Variants in ATF7IP2 observed in about 807,000 individuals in gnomAD.
The protein encoded by ATF7IP2 is activating transcription factor 7 interacting protein 2, also known as activating transcription factor 7-interacting protein 2.
A neutral mutation model predicts 64.2 loss-of-function variants in ATF7IP2; 42 were observed. The observed-to-expected ratio is 0.65, with a 90% CI of 0.51 to 0.85. ATF7IP2 has a LOEUF of 0.85. Ranked by LOEUF, ATF7IP2 falls within the 40% of genes least tolerant of loss-of-function variation. ATF7IP2 has a pLI of 0.00. For missense variants in ATF7IP2, 933 were observed against 784.2 expected (o/e 1.19, Z -2.27); for synonymous variants, 308 against 272.8 (o/e 1.13, Z -1.27).
rs2048116187 is a variant in ATF7IP2 at position 10,427,836 on chromosome 16, C to T, written c.-159-1032C>T. Among the ~76,000 whole-genome samples, 6 of 146,882 alleles carry T rather than the reference C, an allele frequency of 4.1e-5. No homozygotes were observed. The South Asian group carries it at 1.3e-3, about 31-fold the overall frequency. ...CTGCACTCCAGCCTGGGTAACAGAG[C>T]AGCAAGACCCTGTCTCAAAAAAAAA... On this transcript the variant is annotated intron_variant, in intron 3 of 13. Transcript: ENST00000562102.
chr16:10,438,126 T>C lies in ATF7IP2; in HGVS notation c.986T>C (p.Ile329Thr). The C allele has an allele frequency of 1.3e-6, 2 of 1,583,616 alleles. No individual in the cohort carries two copies. The highest frequency in any genetic ancestry group is 1.8e-5 in the Admixed American group (1 of 54,914). ...GTCAGACATTTGATTCAGCAGGAGATCTATAGCATAAATTATGAACTATTT... is the reference window on the plus strand; with the variant it reads ...GTCAGACATTTGATTCAGCAGGAGACCTATAGCATAAATTATGAACTATTT... ...EQVRHLIQQE[I>T]YSINYELFDK... Residue 329 changes from isoleucine to threonine, a missense_variant, in exon 7 of 14, where the codon ATC (isoleucine) becomes ACC (threonine). Ile to Thr is a moderately conservative substitution (Grantham distance 89, BLOSUM62 -1). Coordinates refer to ENST00000562102, the MANE Select transcript of ATF7IP2 (RefSeq NM_001393719.1).
intron 9 of ATF7IP2, among the ~76,000 whole-genome samples, chr16:10,467,399 T>G (rs1172096389): frequency 1.3e-5 from 2 of 152,198 alleles, no homozygotes; most frequent in African/African-American, 4.8e-5. Flanking sequence ...TAAAGTATTT[T>G]GACTATCGTA....
intron 8 of ATF7IP2, among the ~76,000 whole-genome samples, chr16:10,453,120 A>G (rs150244037): frequency 7.5e-4 from 114 of 152,210 alleles, no homozygotes; most frequent in African/African-American, 2.7e-3. Context: ...CATTCTAGGC[A>G]CCACTAGGGT....
chr16:10,476,498 G>T (rs571333646), intron 12 of ATF7IP2, among the ~76,000 whole-genome samples: 203 of 151,232 alleles, frequency 1.3e-3, no homozygotes, highest in African/African-American at 4.6e-3. Context: ...GTGTGTGTGT[G>T]TTTTTTTTTA....
In ATF7IP2 at chr16:10,394,896, G is replaced by C. The variant is rs141236941; in HGVS notation, c.-242+8774G>C. 4.3e-4 allele frequency among the ~76,000 whole-genome samples: 65 copies of C among 152,044 alleles called. 1 individual carries two copies. Among genetic ancestry groups the C allele is most frequent in the African/African-American group, 1.4e-3 (60 of 41,502 alleles). Reference sequence around the variant, plus strand: ...TAGTGATAAATGCTATATTAAAAAAGACCTCAAATCAGTAACCTAGACCTT... The same window carrying C: ...TAGTGATAAATGCTATATTAAAAAACACCTCAAATCAGTAACCTAGACCTT... On this transcript the variant is annotated intron_variant, in intron 1 of 13. Coordinates refer to ENST00000562102, the MANE Select transcript of ATF7IP2 (RefSeq NM_001393719.1).
chr16:10,444,205 C>T (rs184800086), intron 8 of ATF7IP2, among the ~76,000 whole-genome samples: 4 of 152,228 alleles, frequency 2.6e-5, no homozygotes, highest in South Asian at 2.1e-4. Context: ...GGGTAGCTAA[C>T]GAAAGAAAGA....
chr16:10,462,248 T>G (rs4780916), intron 9 of ATF7IP2, among the ~76,000 whole-genome samples: 1 of 152,130 alleles, frequency 6.6e-6, no homozygotes, highest in Non-Finnish European at 1.5e-5. Flanking sequence ...ATGACTACTA[T>G]GTACCATCAT....
chr16:10,482,218 C>T lies in ATF7IP2; in HGVS notation c.2018C>T (p.Ser673Phe). 6.2e-7 allele frequency: 1 copy of T among 1,601,084 alleles called. No homozygotes were observed. Among genetic ancestry groups the T allele is most frequent in the Non-Finnish European group, 8.5e-7 (1 of 1,175,300 alleles). Residue 673 changes from serine (S) to phenylalanine (F), a missense_variant, in exon 14 of 14, where the codon TCT becomes TTT. Coordinates refer to ENST00000562102, the MANE Select transcript of ATF7IP2 (RefSeq NM_001393719.1). ...GRYGPFCDIK[S>F]IPGFSENLT Reference sequence around the variant, plus strand: ...TATGGACCATTCTGTGATATAAAATCTATCCCTGGGTTTTCTGAAAATCTT... The same window carrying T: ...TATGGACCATTCTGTGATATAAAATTTATCCCTGGGTTTTCTGAAAATCTT...
At chr16:10,394,500 G>A (rs889408916) in intron 1 of ATF7IP2, among the ~76,000 whole-genome samples, 4 of 152,172 alleles carry the variant, frequency 2.6e-5, no homozygotes, top group Non-Finnish European at 5.9e-5. Flanking sequence ...GACAAGAGAC[G>A]ACTTGAGCAA....
intron 8 of ATF7IP2, among the ~76,000 whole-genome samples, chr16:10,456,846 G>A (rs913467624): frequency 1.3e-5 from 2 of 152,196 alleles, no homozygotes; most frequent in East Asian, 1.9e-4. Flanking sequence ...GGCACCTAGT[G>A]CATTTTTGTT....
intron 8 of ATF7IP2, among the ~76,000 whole-genome samples, chr16:10,443,891 G>A (rs950166052): frequency 2.6e-5 from 4 of 152,302 alleles, no homozygotes; most frequent in East Asian, 1.9e-4. Flanking sequence ...TTCATTTAGC[G>A]ATATAGAGAT....
intron 12 of ATF7IP2, among the ~76,000 whole-genome samples, chr16:10,474,624 G>T (rs1567177542): frequency 6.6e-6 from 1 of 152,074 alleles, no homozygotes; most frequent in Non-Finnish European, 1.5e-5. Context: ...CGTGGGGCTG[G>T]GGATCAGTTA....
Position 10,467,878 on chromosome 16 carries a change from CTTTTTTT to C in ATF7IP2, c.1353-4220_1353-4214del, listed in dbSNP as rs111532750. Among the ~76,000 whole-genome samples, 4 of 127,442 alleles carry C rather than the reference CTTTTTTT, an allele frequency of 3.1e-5. No homozygotes were observed. The East Asian group carries it at 9.1e-4, about 29-fold the overall frequency. The allele number at this position is 127,442 out of a possible 152,430, so 83.6% of individuals were successfully genotyped here. A position where few individuals can be genotyped will look rare whatever the true frequency, so the allele number is the denominator to read the frequency against. On this transcript the variant is annotated intron_variant, in intron 9 of 13. Transcript: ENST00000562102. Reference sequence around the variant, plus strand: ...AAAAATCAGCCAAAAATCAAATATTCTTTTTTTTTTTTTTTTTTGAGACAGAGTTTTG... The same window carrying C: ...AAAAATCAGCCAAAAATCAAATATTCTTTTTTTTTTTGAGACAGAGTTTTG...
intron 8 of ATF7IP2, among the ~76,000 whole-genome samples, chr16:10,451,315 G>T (rs1355111129): frequency 6.6e-6 from 1 of 152,108 alleles, no homozygotes; most frequent in African/African-American, 2.4e-5. Flanking sequence ...TTCTCCAGGA[G>T]TATCTTTGTG....
chr16:10,465,575 T>C (rs1370136479), intron 9 of ATF7IP2, among the ~76,000 whole-genome samples: 1 of 150,680 alleles, frequency 6.6e-6, no homozygotes, highest in African/African-American at 2.4e-5. Flanking sequence ...CCATCTCTAC[T>C]AAAAACACAG....
intron 1 of ATF7IP2, among the ~76,000 whole-genome samples, chr16:10,389,699 A>G (rs2047283255): frequency 6.6e-6 from 1 of 152,244 alleles, no homozygotes; most frequent in South Asian, 2.1e-4. Context: ...TTGCCATTAG[A>G]TATTCGGGAG....
intron 6 of ATF7IP2, among the ~76,000 whole-genome samples, chr16:10,436,039 C>A (rs1184614398): frequency 6.6e-6 from 1 of 152,114 alleles, no homozygotes; most frequent in Non-Finnish European, 1.5e-5. Context: ...AGAAACCACA[C>A]GAGTAATAGG....
At chr16:10,417,607 T>C (rs1346743342) in intron 2 of ATF7IP2, among the ~76,000 whole-genome samples, 1 of 152,026 alleles carries the variant, frequency 6.6e-6, no homozygotes, top group Non-Finnish European at 1.5e-5. Context: ...AAGAAAGAGA[T>C]AGATAGCTGA....
chr16:10,453,763 A>C (rs1222436802), intron 8 of ATF7IP2, among the ~76,000 whole-genome samples: 1 of 151,998 alleles, frequency 6.6e-6, no homozygotes, highest in African/African-American at 2.4e-5. Flanking sequence ...GATTACAGTC[A>C]TGCGCCACCA....
Sources: gnomAD v4.1 joint callset for allele counts (sites outside exome capture counted in the v4.1 genomes callset) on GRCh38, gnomAD v4.1.1 for gene constraint, MANE v1.5 for transcripts, NCBI Gene and HGNC (gene_info 2026-07-23, HGNC 2026-07-21) for gene names.